Variants in BTBD7 observed in about 807,000 individuals in gnomAD.
The protein encoded by BTBD7 is BTB domain containing 7, also known as BTB/POZ domain-containing protein 7.
Under a neutral mutation model 99.9 loss-of-function variants are expected in BTBD7, and 38 were observed. The ratio of observed to expected loss-of-function variants is 0.38; its 90% CI spans 0.29 to 0.50. BTBD7 has a LOEUF of 0.50. BTBD7 is among the 20% of genes least tolerant of loss of function. The probability of loss-of-function intolerance (pLI) is 0.93; values close to 1 mark genes in which losing one functional copy is unlikely to be tolerated. For synonymous variants in BTBD7, 520 were observed against 511.4 expected (o/e 1.02, Z -0.23); for missense variants, 1,170 against 1,394.6 (o/e 0.84, Z 2.57).
intron 1 of BTBD7, among the ~76,000 whole-genome samples, chr14:93,300,045 A>G (rs1289841905): frequency 6.6e-6 from 1 of 152,202 alleles, no homozygotes; most frequent in Admixed American, 6.5e-5. Flanking sequence ...CATGCAATAG[A>G]AAGAACTGTG....
intron 1 of BTBD7, chr14:93,332,314 T>G (rs1298248959): frequency 1.3e-5 from 2 of 152,262 alleles, no homozygotes; most frequent in African/African-American, 4.8e-5. Flanking sequence ...CCGGACAATC[T>G]AACTTCCCCT....
In BTBD7 at chr14:93,242,341, C is replaced by T; in HGVS notation, c.3331G>A (p.Asp1111Asn). Residue 1111 changes from aspartate to asparagine, a missense_variant, in exon 11 of 11, where the codon GAT becomes AAT. Physicochemically the swap from Asp to Asn is conservative, Grantham distance 23. Coordinates refer to ENST00000334746, the MANE Select transcript of BTBD7 (RefSeq NM_001002860.4). Reference protein sequence around the residue: ...AQRNTDLEREDSISRGRRSPS... With the variant: ...AQRNTDLERENSISRGRRSPS... ...GACCTCCTTCCTCTGCTTATTGAAT[C>T]TTCCCTTTCCAAATCTGTATTTCTC... 6.2e-7 allele frequency: 1 copy of T among 1,614,198 alleles called. No homozygotes were observed. The highest frequency in any genetic ancestry group is 8.5e-7 in the Non-Finnish European group (1 of 1,180,042).
intron 3 of BTBD7, among the ~76,000 whole-genome samples, chr14:93,281,734 C>T (rs1407586272): frequency 6.6e-6 from 1 of 152,046 alleles, no homozygotes; most frequent in Non-Finnish European, 1.5e-5. Flanking sequence ...GTAAGGAAAA[C>T]CATCAAACTG....
Position 93,296,080 on chromosome 14 carries a change from G to T in BTBD7, c.-29C>A, listed in dbSNP as rs951125888. The T allele has an allele frequency of 6.2e-7, 1 of 1,610,498 alleles. No homozygotes were observed. The highest frequency in any genetic ancestry group is 1.3e-5 in the African/African-American group (1 of 74,942). ...CTTCAGTCACTCAGGCATTCCGTCT[G>T]CGGGTTCTTCAGAGTATAATCCCAG... On this transcript the variant is annotated 5_prime_UTR_variant, in exon 2 of 11. Transcript: ENST00000334746.
intron 1 of BTBD7, among the ~76,000 whole-genome samples, chr14:93,328,234 G>C (rs1291613102): frequency 6.6e-6 from 1 of 152,022 alleles, no homozygotes; most frequent in Admixed American, 6.6e-5. Flanking sequence ...AATACTAATA[G>C]CCTATTTTTT....
rs1440180753 is a variant in BTBD7 at position 93,246,301 on chromosome 14, A to T, written c.2122-15T>A. The T allele has an allele frequency of 2.5e-6, 2 of 803,674 alleles. No homozygotes were observed. The highest frequency in any genetic ancestry group is 5.5e-5 in the East Asian group (1 of 18,192). The allele number at this position is 803,674 out of a possible 1,614,324, so 49.8% of individuals were successfully genotyped here. On this transcript the variant is annotated splice_polypyrimidine_tract_variant and intron_variant, in intron 9 of 10. Transcript: ENST00000334746. ...TTGTGAGGATTCTAAAAAAGATTAA[A>T]AAAAAAAAAAAAGGACATTTATTAG...
At chr14:93,280,574 C>T (rs2052706970) in intron 3 of BTBD7, among the ~76,000 whole-genome samples, 1 of 152,168 alleles carries the variant, frequency 6.6e-6, no homozygotes, top group South Asian at 2.1e-4. Flanking sequence ...CATAAACATG[C>T]CAATACCTAA....
At position 93,292,824 on chromosome 14, in the gene BTBD7, A is replaced by ATGT. The variant is rs748113472; in HGVS notation, c.1162+1031_1162+1033dup. Among the ~76,000 whole-genome samples the ATGT allele has an allele frequency of 1.3e-3, 199 of 152,226 alleles. 1 individual carries two copies. Among genetic ancestry groups the ATGT allele is most frequent in the Non-Finnish European group, 1.9e-3 (131 of 67,998 alleles). On this transcript the variant is annotated intron_variant, in intron 3 of 10. Transcript: ENST00000334746. ...ACCACACACCACTGAGACTGGCTTAATGTTGTTATTTAACTGGGGCTATTT... is the reference window on the plus strand; with the variant it reads ...ACCACACACCACTGAGACTGGCTTAATGTTGTTGTTATTTAACTGGGGCTATTT...
rs1363811746 is a variant in BTBD7, at chr14:93,311,119, C to CCT, written c.-106-14963_-106-14962insAG. 2.0e-5 allele frequency among the ~76,000 whole-genome samples: 3 copies of CCT among 152,170 alleles called. No individual in the cohort carries two copies. The East Asian group carries it at 5.8e-4, about 29-fold the overall frequency. On this transcript the variant is annotated intron_variant, in intron 1 of 10. Transcript: ENST00000334746. The stretch of plus-strand genomic sequence containing the variant: ...GCTTCCTAGCATCCTTAAAGACAAT[C>CCT]AGTGAGTTTTAAAAAGTTATGAATT...
intron 3 of BTBD7, among the ~76,000 whole-genome samples, chr14:93,286,043 C>T (rs1367225305): frequency 6.6e-6 from 1 of 152,162 alleles, no homozygotes; most frequent in African/African-American, 2.4e-5. Flanking sequence ...GCCACTAAAG[C>T]TCCTACATTC....
At chr14:93,319,748 C>T (rs561571851) in intron 1 of BTBD7, among the ~76,000 whole-genome samples, 1 of 152,120 alleles carries the variant, frequency 6.6e-6, no homozygotes, top group South Asian at 2.1e-4. Context: ...TACCTATAGT[C>T]AACAATAATG....
At chr14:93,258,322 T>C (rs933924986) in intron 5 of BTBD7, among the ~76,000 whole-genome samples, 1 of 152,158 alleles carries the variant, frequency 6.6e-6, no homozygotes, top group South Asian at 2.1e-4. Context: ...GAGTCATTTT[T>C]TTCCCCCTTG....
rs529787843 is a variant in BTBD7, at chr14:93,303,470, A to G, written c.-106-7313T>C. 1.1e-4 allele frequency among the ~76,000 whole-genome samples: 17 copies of G among 152,264 alleles called. 1 individual carries two copies. Among genetic ancestry groups the G allele is most frequent in the African/African-American group, 3.4e-4 (14 of 41,562 alleles). On this transcript the variant is annotated intron_variant, in intron 1 of 10. Coordinates refer to ENST00000334746, the MANE Select transcript of BTBD7 (RefSeq NM_001002860.4). ...AAAAAGTTAAAAAAAAAAATAAAAA[A>G]GATAATATGGACTGCCACTCGGAAA...
intron 9 of BTBD7, among the ~76,000 whole-genome samples, chr14:93,247,328 TTTTG>T (rs34225714): frequency 0.013 from 1,881 of 149,278 alleles, 27 homozygotes; most frequent in South Asian, 0.063. Context: ...GCCTATTCTT[TTTTG>T]TTTGTTTGTT....
chr14:93,304,475 C>T (rs973728310), intron 1 of BTBD7, among the ~76,000 whole-genome samples: 18 of 152,184 alleles, frequency 1.2e-4, no homozygotes, highest in Non-Finnish European at 2.4e-4. Flanking sequence ...CCTCAGCCTC[C>T]CGAGTAGCTG....
intron 3 of BTBD7, among the ~76,000 whole-genome samples, chr14:93,268,345 CTAT>C (rs1317806795): frequency 6.6e-6 from 1 of 152,204 alleles, no homozygotes; most frequent in Non-Finnish European, 1.5e-5. Flanking sequence ...TCTCATACTA[CTAT>C]ATCTTTCTTA....
intron 1 of BTBD7, among the ~76,000 whole-genome samples, chr14:93,325,737 TG>T (rs2053323501): frequency 7.9e-6 from 1 of 126,118 alleles, no homozygotes; most frequent in Non-Finnish European, 1.6e-5. Flanking sequence ...ATTCCCAGTC[TG>T]GTGTTCTATC....
chr14:93,261,205 CCATT>C (rs1268354249), intron 5 of BTBD7, among the ~76,000 whole-genome samples: 1 of 152,172 alleles, frequency 6.6e-6, no homozygotes, highest in African/African-American at 2.4e-5. Context: ...TTAAAGCGTA[CCATT>C]CAGTGGCTCT....
At chr14:93,274,463 C>A (rs974799024) in intron 3 of BTBD7, among the ~76,000 whole-genome samples, 1 of 152,186 alleles carries the variant, frequency 6.6e-6, no homozygotes, top group Non-Finnish European at 1.5e-5. Flanking sequence ...GGAGTGAACA[C>A]CCTATTGGAA....
Sources: gnomAD v4.1 joint callset for allele counts (sites outside exome capture counted in the v4.1 genomes callset) on GRCh38, gnomAD v4.1.1 for gene constraint, MANE v1.5 for transcripts, NCBI Gene and HGNC (gene_info 2026-07-23, HGNC 2026-07-21) for gene names.